The following UTP23 variants were observed in gnomAD, a reference collection of about 807,000 sequenced individuals.
UTP23 encodes the protein UTP23 small subunit processome component, also known as rRNA-processing protein UTP23 homolog.
In UTP23, 10 loss-of-function variants were observed where a neutral mutation model predicts 19.8. The observed-to-expected ratio is 0.50, with a 90% CI of 0.31 to 0.86. The LOEUF (loss-of-function observed/expected upper bound fraction) is 0.86, where lower values mean the gene tolerates loss of function less well. UTP23 is among the 40% of genes least tolerant of loss of function. The pLI is 0.05. For synonymous variants in UTP23, 108 were observed against 105.4 expected, an observed-to-expected ratio of 1.02 and a Z score of -0.15; for missense variants, 282 against 293.1, an observed-to-expected ratio of 0.96 and a Z score of 0.28.
At position 116,773,038 on chromosome 8, in the gene UTP23, TC is replaced by T; in HGVS notation, c.*1199del. 1.0e-6 allele frequency: 1 copy of T among 978,636 alleles called. No individual in the cohort carries two copies. The highest frequency in any genetic ancestry group is 1.2e-6 in the Non-Finnish European group (1 of 827,874). 60.6% of individuals were successfully genotyped at this position (978,636 alleles called of 1,614,324 possible). A position where few individuals can be genotyped will look rare whatever the true frequency, so the allele number is the denominator to read the frequency against. Reference sequence around the variant, plus strand: ...TAAATGTGAGACAGTTCACATTTATTCCCATAGAAATGTCATTCTCATTTGA... The same window carrying T: ...TAAATGTGAGACAGTTCACATTTATTCCATAGAAATGTCATTCTCATTTGA... On this transcript the variant is annotated 3_prime_UTR_variant, in exon 3 of 3. Coordinates refer to ENST00000309822, the MANE Select transcript of UTP23 (RefSeq NM_032334.3).
chr8:116,773,776 CTCCA>C lies in UTP23; in HGVS notation c.*1935_*1938del, dbSNP rs1815690374. 1.9e-6 allele frequency: 1 copy of C among 538,564 alleles called. No individual in the cohort carries two copies. Among genetic ancestry groups the C allele is most frequent in the Non-Finnish European group, 2.4e-6 (1 of 422,392 alleles). 33.4% of individuals were successfully genotyped at this position (538,564 alleles called of 1,614,324 possible). A position where few individuals can be genotyped will look rare whatever the true frequency, so the allele number is the denominator to read the frequency against. ...AGTGAGCCAAGATCATGCCACTGCACTCCAGCCTGGTGAGAGAGTGAAACCCCGT... is the reference window on the plus strand; with the variant it reads ...AGTGAGCCAAGATCATGCCACTGCACGCCTGGTGAGAGAGTGAAACCCCGT... On this transcript the variant is annotated 3_prime_UTR_variant, in exon 3 of 3. Transcript: ENST00000309822.
chr8:116,771,232 C>T (rs1238649461), intron 2 of UTP23, among the ~76,000 whole-genome samples: 1 of 152,272 alleles, frequency 6.6e-6, no homozygotes, highest in South Asian at 2.1e-4. Context: ...TCTAGAGTAT[C>T]GATAAATCCG....
chr8:116,774,159 A>G lies in UTP23; in HGVS notation c.*2317A>G, dbSNP rs16888730. The G allele has an allele frequency of 2.3e-4, 227 of 985,404 alleles. No homozygotes were observed. In the East Asian group the frequency reaches 0.012, roughly 54 times the overall value. 61.0% of individuals were successfully genotyped at this position (985,404 alleles called of 1,614,324 possible). ...ACTTTTGAACTCTGAAAGTTTGCCA[A>G]TCTGAAAAGGGGTGTTTCTGAAGAC... On this transcript the variant is annotated 3_prime_UTR_variant, in exon 3 of 3. Transcript: ENST00000309822.
intron 2 of UTP23, 25 bp from the exon 3 acceptor site, chr8:116,771,431 A>C: frequency 1.4e-6 from 2 of 1,416,636 alleles, no homozygotes; most frequent in Non-Finnish European, 1.8e-6. Flanking sequence ...ATTTGAACTA[A>C]ATAATTCTGT....
chr8:116,774,488 C>T lies in UTP23; in HGVS notation c.*2646C>T. On this transcript the variant is annotated 3_prime_UTR_variant, in exon 3 of 3. Transcript: ENST00000309822. Reference sequence around the variant, plus strand: ...GTTTTAAAAAATGTTTGCTTACTATCTATATATATGACATTATTCCCAATT... The same window carrying T: ...GTTTTAAAAAATGTTTGCTTACTATTTATATATATGACATTATTCCCAATT... 1 of 909,168 alleles carries T rather than the reference C, an allele frequency of 1.1e-6. No homozygotes were observed. The allele number at this position is 909,168 out of a possible 1,614,324, so 56.3% of individuals were successfully genotyped here. A position where few individuals can be genotyped will look rare whatever the true frequency, so the allele number is the denominator to read the frequency against.
In UTP23 at chr8:116,766,785, C is replaced by CCACAAGGTGCAG; in HGVS notation, c.188+3_188+4insCAGCACAAGGTG. ...CTCATGGGGGAGACGCAGCTGTGCACCACAAGGTGGGCCCGGGGGGCTGGG... is the reference window on the plus strand; with the variant it reads ...CTCATGGGGGAGACGCAGCTGTGCACCACAAGGTGCAGCACAAGGTGGGCCCGGGGGGCTGGG... On this transcript the variant is annotated inframe_insertion, in exon 1 of 3. Transcript: ENST00000309822. 6.4e-7 allele frequency: 1 copy of CCACAAGGTGCAG among 1,551,996 alleles called. No individual in the cohort carries two copies. Among genetic ancestry groups the CCACAAGGTGCAG allele is most frequent in the Non-Finnish European group, 8.7e-7 (1 of 1,147,764 alleles).
rs1815662424 is a variant in UTP23, at chr8:116,771,938, G to A, written c.*96G>A. On this transcript the variant is annotated 3_prime_UTR_variant, in exon 3 of 3. Coordinates refer to ENST00000309822, the MANE Select transcript of UTP23 (RefSeq NM_032334.3). ...AAAGACCAAACTTATTTTTGTAAAT[G>A]AACCCATATGCTTTAGCTAAAATTA... 1 of 1,471,832 alleles carries A rather than the reference G, an allele frequency of 6.8e-7. No individual in the cohort carries two copies. The highest frequency in any genetic ancestry group is 1.4e-5 in the African/African-American group (1 of 70,328). 91.2% of individuals were successfully genotyped at this position (1,471,832 alleles called of 1,614,324 possible). A position where few individuals can be genotyped will look rare whatever the true frequency, so the allele number is the denominator to read the frequency against.
chr8:116,774,284 C>T lies in UTP23; in HGVS notation c.*2442C>T. 1 of 985,220 alleles carries T rather than the reference C, an allele frequency of 1.0e-6. No homozygotes were observed. Among genetic ancestry groups the T allele is most frequent in the Non-Finnish European group, 1.2e-6 (1 of 829,888 alleles). The allele number at this position is 985,220 out of a possible 1,614,324, so 61.0% of individuals were successfully genotyped here. On this transcript the variant is annotated 3_prime_UTR_variant, in exon 3 of 3. Coordinates refer to ENST00000309822, the MANE Select transcript of UTP23 (RefSeq NM_032334.3). ...TTATGGCCCTACAGCTACTTCTTATCCCTGCAAGTATATAAATTAAAACCA... is the reference window on the plus strand; with the variant it reads ...TTATGGCCCTACAGCTACTTCTTATTCCTGCAAGTATATAAATTAAAACCA...
chr8:116,771,810 C>G lies in UTP23; in HGVS notation c.718C>G (p.Leu240Val), dbSNP rs1164727474. ...RIRNRSNPKV[L>V]SEKQNAEGE is the part of the protein sequence containing the mutation. ...TCGGAACAGATCTAACCCAAAAGTA[C>G]TTTCTGAGAAGCAGAATGCAGAAGG... is the stretch of plus-strand genomic sequence containing the variant. Residue 240 changes from leucine (L) to valine (V), a missense_variant, in exon 3 of 3, where the codon CTT becomes GTT. Transcript: ENST00000309822. The G allele has an allele frequency of 1.9e-6, 3 of 1,585,916 alleles. No homozygotes were observed. The African/African-American group carries it at 4.1e-5, about 22-fold the overall frequency.
Position 116,771,883 on chromosome 8 carries a change from A to C in UTP23, c.*41A>C, listed in dbSNP as rs1273428806. The C allele has an allele frequency of 9.3e-6, 14 of 1,497,878 alleles. No homozygotes were observed. The highest frequency in any genetic ancestry group is 1.4e-5 in the South Asian group (1 of 70,924). The allele number at this position is 1,497,878 out of a possible 1,614,324, so 92.8% of individuals were successfully genotyped here. On this transcript the variant is annotated 3_prime_UTR_variant, in exon 3 of 3. Transcript: ENST00000309822. ...TCAAGGACATTCAAATGTGAAAATG[A>C]ATTTTTTACAACTAGAAGTATTTAT...
Position 116,773,551 on chromosome 8 carries a change from C to T in UTP23, c.*1709C>T. On this transcript the variant is annotated 3_prime_UTR_variant, in exon 3 of 3. Coordinates refer to ENST00000309822, the MANE Select transcript of UTP23 (RefSeq NM_032334.3). The stretch of plus-strand genomic sequence containing the variant: ...TTTTGACAGGGCATGGTGGCTCACA[C>T]CTGTAATCCCAGCACTTTGGGAGGC... 1 of 959,036 alleles carries T rather than the reference C, an allele frequency of 1.0e-6. No homozygotes were observed. Among genetic ancestry groups the T allele is most frequent in the Non-Finnish European group, 1.2e-6 (1 of 805,980 alleles). The allele number at this position is 959,036 out of a possible 1,614,324, so 59.4% of individuals were successfully genotyped here. A position where few individuals can be genotyped will look rare whatever the true frequency, so the allele number is the denominator to read the frequency against.
intron 1 of UTP23, among the ~76,000 whole-genome samples, chr8:116,767,857 G>C (rs537838998): frequency 6.6e-6 from 1 of 152,212 alleles, no homozygotes; most frequent in East Asian, 1.9e-4. Context: ...CACTACTCAC[G>C]AATAATCACT....
At chr8:116,767,672 G>A (rs1358251824) in intron 1 of UTP23, among the ~76,000 whole-genome samples, 1 of 152,188 alleles carries the variant, frequency 6.6e-6, no homozygotes, top group Non-Finnish European at 1.5e-5. Flanking sequence ...ACGAAATGGA[G>A]TTATGAAATG....
chr8:116,774,511 ATTAG>A lies in UTP23; in HGVS notation c.*2672_*2675del, dbSNP rs1815698814. On this transcript the variant is annotated 3_prime_UTR_variant, in exon 3 of 3. Coordinates refer to ENST00000309822, the MANE Select transcript of UTP23 (RefSeq NM_032334.3). ...ATCTATATATATGACATTATTCCCA[ATTAG>A]TTTTATATCTCCAAGATATATATAT... is the stretch of plus-strand genomic sequence containing the variant. 3.6e-6 allele frequency: 3 copies of A among 823,252 alleles called. No homozygotes were observed. The highest frequency in any genetic ancestry group is 2.9e-6 in the Non-Finnish European group (2 of 682,886). The allele number at this position is 823,252 out of a possible 1,614,324, so 51.0% of individuals were successfully genotyped here.
In UTP23 at chr8:116,772,183, A is replaced by G; in HGVS notation, c.*341A>G. 1.0e-5 allele frequency: 10 copies of G among 1,000,480 alleles called. No individual in the cohort carries two copies. The highest frequency in any genetic ancestry group is 1.2e-5 in the Non-Finnish European group (10 of 840,046). The allele number at this position is 1,000,480 out of a possible 1,614,324, so 62.0% of individuals were successfully genotyped here. A position where few individuals can be genotyped will look rare whatever the true frequency, so the allele number is the denominator to read the frequency against. On this transcript the variant is annotated 3_prime_UTR_variant, in exon 3 of 3. Coordinates refer to ENST00000309822, the MANE Select transcript of UTP23 (RefSeq NM_032334.3). ...GGCAACAGAGTGAGAACATGTCTCA[A>G]AAAAAAAATAAAAACAGTGAATGGG... is the stretch of plus-strand genomic sequence containing the variant.
chr8:116,771,365 ATC>A, intron 2 of UTP23, 89 bp from the exon 3 acceptor site: 1 of 1,097,540 alleles, frequency 9.1e-7, no homozygotes. Context: ...AAAATCTGTG[ATC>A]TCTTTTATTT....
rs142836746 is a variant in UTP23 at position 116,771,272 on chromosome 8, C to T, written c.364-184C>T. On this transcript the variant is annotated intron_variant, in intron 2 of 2. Coordinates refer to ENST00000309822, the MANE Select transcript of UTP23 (RefSeq NM_032334.3). The stretch of plus-strand genomic sequence containing the variant: ...ACACAGCTGCTACTAACACTGTGCT[C>T]AGTTTTTATGTTTTTCTTCCTTTAT... Among the ~76,000 whole-genome samples the T allele has an allele frequency of 3.4e-3, 518 of 152,250 alleles. 5 individuals are homozygous for T. Among genetic ancestry groups the T allele is most frequent in the African/African-American group, 0.012 (493 of 41,536 alleles).
In UTP23 at chr8:116,772,974, T is replaced by G. The variant is rs1815678612; in HGVS notation, c.*1132T>G. The G allele has an allele frequency of 2.0e-6, 2 of 985,366 alleles. No individual in the cohort carries two copies. Among genetic ancestry groups the G allele is most frequent in the Non-Finnish European group, 2.4e-6 (2 of 829,866 alleles). 61.0% of individuals were successfully genotyped at this position (985,366 alleles called of 1,614,324 possible). A position where few individuals can be genotyped will look rare whatever the true frequency, so the allele number is the denominator to read the frequency against. On this transcript the variant is annotated 3_prime_UTR_variant, in exon 3 of 3. Coordinates refer to ENST00000309822, the MANE Select transcript of UTP23 (RefSeq NM_032334.3). The stretch of plus-strand genomic sequence containing the variant: ...AGAGCAGTGATTCTCAGTCTAACAT[T>G]AGGTTATCATGATGACGTATGAGTA...
Position 116,772,595 on chromosome 8 carries a change from A to G in UTP23, c.*753A>G, listed in dbSNP as rs948352489. 2.0e-6 allele frequency: 2 copies of G among 984,454 alleles called. No homozygotes were observed. Among genetic ancestry groups the G allele is most frequent in the South Asian group, 4.7e-5 (1 of 21,286 alleles). The allele number at this position is 984,454 out of a possible 1,614,324, so 61.0% of individuals were successfully genotyped here. On this transcript the variant is annotated 3_prime_UTR_variant, in exon 3 of 3. Coordinates refer to ENST00000309822, the MANE Select transcript of UTP23 (RefSeq NM_032334.3). ...TCAGAAACTCAGTATTTTCATTATT[A>G]TGACTAGAGTTTTTTTGTTTGTTTG...
Sources: gnomAD v4.1 joint callset for allele counts (sites outside exome capture counted in the v4.1 genomes callset) on GRCh38, gnomAD v4.1.1 for gene constraint, MANE v1.5 for transcripts, NCBI Gene and HGNC (gene_info 2026-07-23, HGNC 2026-07-21) for gene names.